Variants in PTCD3 observed in about 807,000 individuals in gnomAD.
PTCD3 encodes small ribosomal subunit protein mS39.
PTCD3 carries 89 observed loss-of-function variants against 101.9 expected under a neutral mutation model. The observed-to-expected ratio is 0.87, with a 90% CI of 0.74 to 1.04. PTCD3 has a LOEUF of 1.04. Ranked by LOEUF, PTCD3 falls within the 50% of genes least tolerant of loss-of-function variation. The probability of loss-of-function intolerance (pLI) is 0.00; values close to 1 mark genes in which losing one functional copy is unlikely to be tolerated. For missense variants in PTCD3, 870 were observed against 828.2 expected, an observed-to-expected ratio of 1.05 and a Z score of -0.62; for synonymous variants, 296 against 278.5, an observed-to-expected ratio of 1.06 and a Z score of -0.63.
rs1418564969 is a variant in PTCD3 at position 86,135,007 on chromosome 2, T to G, written c.1778+20T>G. The G allele has an allele frequency of 5.6e-6, 9 of 1,601,292 alleles. No homozygotes were observed. The highest frequency in any genetic ancestry group is 6.8e-6 in the Non-Finnish European group (8 of 1,172,804). On this transcript the variant is annotated intron_variant, in intron 21 of 23. Transcript: ENST00000254630. Reference sequence around the variant, plus strand: ...AGCCTGGTGAGTACAGTACCACAAGTATACACTTTAGAAGCTTTTGTATTT... The same window carrying G: ...AGCCTGGTGAGTACAGTACCACAAGGATACACTTTAGAAGCTTTTGTATTT...
Position 86,140,428 on chromosome 2 carries a change from A to ACAT in PTCD3, c.*2871_*2873dup, listed in dbSNP as rs146175068. On this transcript the variant is annotated 3_prime_UTR_variant, in exon 24 of 24. Coordinates refer to ENST00000254630, the MANE Select transcript of PTCD3 (RefSeq NM_017952.6). ...CAATTTTTTAATGAAATGCATTAGA[A>ACAT]CATCTAAGCACGTCACCTACAGTTT... 1.3e-5 allele frequency: 2 copies of ACAT among 152,296 alleles called. No homozygotes were observed. Among genetic ancestry groups the ACAT allele is most frequent in the African/African-American group, 4.8e-5 (2 of 41,564 alleles). 9.4% of individuals were successfully genotyped at this position (152,296 alleles called of 1,614,324 possible).
chr2:86,136,461 T>C, intron 21 of PTCD3, 60 bp from the exon 22 acceptor site: 1 of 1,464,460 alleles, frequency 6.8e-7, no homozygotes, highest in Middle Eastern at 1.7e-4. Flanking sequence ...AAGACAGCTA[T>C]AGTGTCTGAT....
intron 6 of PTCD3, among the ~76,000 whole-genome samples, chr2:86,118,209 T>C (rs960395400): frequency 1.3e-5 from 2 of 152,236 alleles, no homozygotes; most frequent in African/African-American, 4.8e-5. Context: ...CCTAGATCCC[T>C]TTACTTTGAA....
intron 4 of PTCD3, 52 bp downstream of exon 4, chr2:86,111,210 C>T: frequency 7.0e-7 from 1 of 1,427,416 alleles, no homozygotes; most frequent in Non-Finnish European, 9.9e-7. Context: ...TAATAACACA[C>T]TTTTTAACTC....
intron 1 of PTCD3, 119 bp downstream of exon 1, chr2:86,106,470 TCG>T: frequency 1.0e-6 from 1 of 997,094 alleles, no homozygotes; most frequent in South Asian, 1.6e-5. Flanking sequence ...CCCTTAACGG[TCG>T]CGTGCCCTTA....
chr2:86,112,474 A>G (rs931990797), intron 4 of PTCD3, among the ~76,000 whole-genome samples: 3 of 151,404 alleles, frequency 2.0e-5, no homozygotes, highest in Non-Finnish European at 4.4e-5. Flanking sequence ...TGAGGTCAGG[A>G]GTTCGATACC....
intron 14 of PTCD3, among the ~76,000 whole-genome samples, chr2:86,129,392 G>A (rs61216846): frequency 0.043 from 6,540 of 152,278 alleles, 487 homozygotes; most frequent in African/African-American, 0.15. Flanking sequence ...GCTTACGCCT[G>A]TAATCCCAGC....
chr2:86,125,567 G>A, intron 11 of PTCD3, 52 bp downstream of exon 11: 1 of 1,527,300 alleles, frequency 6.5e-7, no homozygotes. Context: ...TCTTTTAATT[G>A]TCTGTGTGAA....
chr2:86,116,939 C>T, intron 5 of PTCD3, 116 bp from the exon 6 acceptor site: 1 of 628,658 alleles, frequency 1.6e-6, no homozygotes, highest in Non-Finnish European at 2.9e-6. Context: ...AATTGGGATT[C>T]TGCGTGTTGT....
In PTCD3 at chr2:86,128,545, A is replaced by G. The variant is rs77365585; in HGVS notation, c.1147+554A>G. On this transcript the variant is annotated intron_variant, in intron 14 of 23. Transcript: ENST00000254630. ...TTTGTCACATTGGTGCTCAGTAGCC[A>G]TGTGTCTAGTGGCTACCATGTGTCG... 2.9e-4 allele frequency among the ~76,000 whole-genome samples: 44 copies of G among 152,324 alleles called. 2 individuals carry two copies. The East Asian group carries it at 8.3e-3, about 29-fold the overall frequency.
intron 3 of PTCD3, 176 bp downstream of exon 3, chr2:86,108,712 TAGTG>T (rs1347207161): frequency 3.7e-6 from 2 of 542,502 alleles, no homozygotes; most frequent in Non-Finnish European, 3.2e-6. Flanking sequence ...AGGTGGAGAA[TAGTG>T]AGTGAATGAG....
intron 1 of PTCD3, 101 bp downstream of exon 1, chr2:86,106,452 C>A: frequency 8.0e-7 from 1 of 1,244,524 alleles, no homozygotes; most frequent in Non-Finnish European, 1.1e-6. Context: ...ATGGTTTGCT[C>A]ATGCGCGCCC....
intron 7 of PTCD3, 47 bp downstream of exon 7, chr2:86,119,091 T>C: frequency 6.3e-7 from 1 of 1,598,054 alleles, no homozygotes; most frequent in Non-Finnish European, 8.5e-7. Context: ...GGCTTTGAAG[T>C]GGGCCCAAGT....
At position 86,132,407 on chromosome 2, in the gene PTCD3, A is replaced by G. The variant is rs375762783; in HGVS notation, c.1356A>G (p.Gln452=). ...ACTGGAAATTCATTGGACCTGATCA[A>G]CATCGTAATTTCTATTAGTAAGTGT... The part of the protein sequence containing the change: ...GDNWKFIGPD[Q]HRNFYYSKFF... Residue 452 remains glutamine, a synonymous_variant, in exon 17 of 24, where the codon CAA becomes CAG. Transcript: ENST00000254630. The G allele has an allele frequency of 2.5e-5, 40 of 1,593,696 alleles. No homozygotes were observed. Among genetic ancestry groups the G allele is most frequent in the African/African-American group, 4.0e-5 (3 of 74,474 alleles).
chr2:86,130,733 T>TG lies in PTCD3; in HGVS notation c.1234dup (p.Asp412GlyfsTer2). ...AGAGATTTTCTCCAAAGGACCCGGATGATGGCATGTATAGAAATCACTTGT... is the reference window on the plus strand; with the variant it reads ...AGAGATTTTCTCCAAAGGACCCGGATGGATGGCATGTATAGAAATCACTTGT... On this transcript the variant is annotated frameshift_variant, in exon 15 of 24. Transcript: ENST00000254630. LOFTEE classifies it high-confidence loss of function. The TG allele has an allele frequency of 6.2e-7, 1 of 1,613,510 alleles. No individual in the cohort carries two copies. The highest frequency in any genetic ancestry group is 1.6e-4 in the Middle Eastern group (1 of 6,062).
chr2:86,117,161 T>A lies in PTCD3; in HGVS notation c.414+2T>A. ...GACATAGCTGAACCTCATATACCGG[T>A]AAGGAGAGGTAGTTACATTATTTAC... is the stretch of plus-strand genomic sequence containing the variant. On this transcript the variant is annotated splice_donor_variant, in intron 6 of 23. Coordinates refer to ENST00000254630, the MANE Select transcript of PTCD3 (RefSeq NM_017952.6). LOFTEE classifies it high-confidence loss of function. The A allele has an allele frequency of 1.0e-6, 1 of 1,000,252 alleles. No homozygotes were observed. The allele number at this position is 1,000,252 out of a possible 1,614,324, so 62.0% of individuals were successfully genotyped here.
rs1412374856 is a variant in PTCD3 at position 86,114,497 on chromosome 2, C to G, written c.241-2033C>G. ...TAGAGACGGAGTTTCACTGTGTTAG[C>G]CAGGATGGGGGTAAAGGAATTCTAA... On this transcript the variant is annotated intron_variant, in intron 4 of 23. Coordinates refer to ENST00000254630, the MANE Select transcript of PTCD3 (RefSeq NM_017952.6). 2.0e-5 allele frequency among the ~76,000 whole-genome samples: 3 copies of G among 152,094 alleles called. No individual in the cohort carries two copies. In the East Asian group the frequency reaches 5.8e-4, roughly 29 times the overall value.
At chr2:86,110,015 T>C (rs116457717) in intron 3 of PTCD3, among the ~76,000 whole-genome samples, 58 of 152,352 alleles carry the variant, frequency 3.8e-4, no homozygotes, top group African/African-American at 1.2e-3. Flanking sequence ...CCAGACACTT[T>C]AGGTTAACGT....
intron 4 of PTCD3, among the ~76,000 whole-genome samples, chr2:86,113,960 C>A (rs1343620692): frequency 1.3e-5 from 2 of 152,142 alleles, no homozygotes; most frequent in South Asian, 4.1e-4. Flanking sequence ...GCTCACTTAT[C>A]CATAAATAGG....
Sources: allele counts gnomAD v4.1 joint callset (sites outside exome capture counted in the v4.1 genomes callset), GRCh38; gene constraint gnomAD v4.1.1; transcripts MANE v1.5; gene names NCBI Gene and HGNC (gene_info 2026-07-23, HGNC 2026-07-21).